The following MAST2 variants were observed in gnomAD, a reference collection of about 807,000 sequenced individuals.
MAST2 encodes microtubule-associated serine/threonine-protein kinase 2.
In MAST2, 70 loss-of-function variants were observed where a neutral mutation model predicts 147.4. The observed-to-expected ratio is 0.47, with a 90% confidence interval of 0.39 to 0.58. The LOEUF (loss-of-function observed/expected upper bound fraction) is 0.58. Ranked by LOEUF, MAST2 falls within the 20% of genes least tolerant of loss-of-function variation. The probability of loss-of-function intolerance (pLI) is 0.00; values close to 1 mark genes in which losing one functional copy is unlikely to be tolerated. For missense variants in MAST2, 2,080 were observed against 2,302.3 expected (o/e 0.90, Z 1.98); for synonymous variants, 869 against 896.8 (o/e 0.97, Z 0.55).
At chr1:45,837,156 A>G (rs572063805) in intron 3 of MAST2, among the ~76,000 whole-genome samples, 200 of 151,588 alleles carry the variant, frequency 1.3e-3, no homozygotes, top group Non-Finnish European at 1.5e-3. Context: ...TATAGAATAT[A>G]TAATGCTCAC....
In MAST2 at chr1:46,030,148, C is replaced by T; in HGVS notation, c.2463C>T (p.His821=). 6.2e-7 allele frequency: 1 copy of T among 1,614,250 alleles called. No homozygotes were observed. Among genetic ancestry groups the T allele is most frequent in the East Asian group, 2.2e-5 (1 of 44,886 alleles). The change falls in exon 21 of 29, where the codon CAC becomes CAT. Residue 821 remains histidine (H), a synonymous_variant. Transcript: ENST00000361297. The part of the protein sequence containing the change: ...SYFDTRSERY[H]HMDSEDEEEV... Reference sequence around the variant, plus strand: ...GCCCAGCCCGCTCAGAGCGATACCACCACATGGACTCGGAGGATGAGGAAG... The same window carrying T: ...GCCCAGCCCGCTCAGAGCGATACCATCACATGGACTCGGAGGATGAGGAAG...
chr1:45,860,677 C>CA (rs1281100304), intron 3 of MAST2, among the ~76,000 whole-genome samples: 2 of 151,828 alleles, frequency 1.3e-5, no homozygotes, highest in African/African-American at 4.8e-5. Flanking sequence ...ACTAAAAATA[C>CA]AAAAATTAGC....
intron 5 of MAST2, among the ~76,000 whole-genome samples, chr1:45,977,349 G>A (rs956919348): frequency 1.3e-5 from 2 of 151,770 alleles, no homozygotes; most frequent in Non-Finnish European, 1.5e-5. Flanking sequence ...TTAGCCAGGC[G>A]TGCTGGCGGG....
At chr1:45,847,771 C>T (rs1260686796) in intron 3 of MAST2, among the ~76,000 whole-genome samples, 1 of 151,986 alleles carries the variant, frequency 6.6e-6, no homozygotes, top group African/African-American at 2.4e-5. Context: ...CCAGTCTGGT[C>T]TCGAACTCCT....
intron 5 of MAST2, among the ~76,000 whole-genome samples, chr1:45,981,317 C>T (rs1446278911): frequency 6.6e-6 from 1 of 152,126 alleles, no homozygotes; most frequent in Non-Finnish European, 1.5e-5. Context: ...GGTGATCCAC[C>T]TGCCTTGGCC....
chr1:45,836,899 G>T (rs963863399), intron 3 of MAST2, among the ~76,000 whole-genome samples: 1 of 152,162 alleles, frequency 6.6e-6, no homozygotes, highest in Non-Finnish European at 1.5e-5. Context: ...ATGGGTGGAG[G>T]GGGGATGGGA....
At chr1:45,894,642 G>T (rs963557990) in intron 4 of MAST2, among the ~76,000 whole-genome samples, 1 of 152,116 alleles carries the variant, frequency 6.6e-6, no homozygotes, top group Non-Finnish European at 1.5e-5. Context: ...TAAATTATTT[G>T]CTAAAATTTT....
intron 4 of MAST2, among the ~76,000 whole-genome samples, chr1:45,932,667 T>C (rs1040734864): frequency 5.9e-5 from 9 of 152,170 alleles, no homozygotes. Context: ...AGTGAGACTC[T>C]GTCTTTCAAC....
intron 5 of MAST2, among the ~76,000 whole-genome samples, chr1:45,982,825 T>C (rs1437589505): frequency 6.6e-6 from 1 of 152,212 alleles, no homozygotes; most frequent in Non-Finnish European, 1.5e-5. Flanking sequence ...TGCGGCAGTC[T>C]TGTTGAGGAC....
At chr1:45,884,123 A>G (rs1165845370) in intron 4 of MAST2, among the ~76,000 whole-genome samples, 1 of 152,014 alleles carries the variant, frequency 6.6e-6, no homozygotes, top group Admixed American at 6.6e-5. Flanking sequence ...TTTTAGTGAT[A>G]TCTAAAGTTA....
At chr1:45,805,098 A>T (rs1046294649) in intron 1 of MAST2, among the ~76,000 whole-genome samples, 3 of 138,404 alleles carry the variant, frequency 2.2e-5, no homozygotes, top group Non-Finnish European at 4.6e-5. Context: ...CGCCCAGGGG[A>T]GAGTGCAGTG....
At chr1:45,880,136 AT>A (rs1482461803) in intron 3 of MAST2, among the ~76,000 whole-genome samples, 1 of 152,182 alleles carries the variant, frequency 6.6e-6, no homozygotes, top group Non-Finnish European at 1.5e-5. Flanking sequence ...GAGAAGTGAA[AT>A]ATAGCTTGTC....
At chr1:45,909,277 TAAA>T (rs1651281117) in intron 4 of MAST2, among the ~76,000 whole-genome samples, 1 of 152,170 alleles carries the variant, frequency 6.6e-6, no homozygotes, top group South Asian at 2.1e-4. Flanking sequence ...ATCAGTTAAA[TAAA>T]TAATTTCATT....
chr1:46,036,056 A>G lies in MAST2; in HGVS notation c.5387A>G (p.Lys1796Arg). 1 of 1,604,166 alleles carries G rather than the reference A, an allele frequency of 6.2e-7. No homozygotes were observed. Among genetic ancestry groups the G allele is most frequent in the Non-Finnish European group, 8.5e-7 (1 of 1,174,978 alleles). The change falls in exon 29 of 29, where the codon AAG becomes AGG. Residue 1796 changes from lysine (K) to arginine (R), a missense_variant. By Grantham distance (26) the Lys-to-Arg change is conservative. This residue lies in a region of MAST2 where 1,278 missense variants were observed against 1,304.2 expected (regional missense o/e 0.98). Transcript: ENST00000361297. ...DLALVPDELLKQT is the reference protein window; with the variant it reads ...DLALVPDELLRQT ...GCATTGGTTCCAGATGAGCTTTTAA[A>G]GCAAACATAGCAGTTGTTTGCCATT... is the stretch of plus-strand genomic sequence containing the variant.
intron 4 of MAST2, among the ~76,000 whole-genome samples, chr1:45,889,805 T>C (rs1647410919): frequency 6.6e-6 from 1 of 151,826 alleles, no homozygotes; most frequent in Non-Finnish European, 1.5e-5. Context: ...GAGCCAGGGT[T>C]TCACCACATT....
chr1:45,984,246 C>G (rs4460583), intron 5 of MAST2, among the ~76,000 whole-genome samples: 51,501 of 151,830 alleles, frequency 0.34, 9,108 homozygotes, highest in African/African-American at 0.43. Context: ...GCCAACAATG[C>G]ACTTCTTCCA....
intron 3 of MAST2, among the ~76,000 whole-genome samples, chr1:45,880,787 C>G (rs1570512846): frequency 6.6e-6 from 1 of 151,728 alleles, no homozygotes; most frequent in African/African-American, 2.4e-5. Flanking sequence ...TTGAGACCAG[C>G]CTGGCCAACA....
At chr1:45,832,337 G>C (rs1644984038) in intron 3 of MAST2, among the ~76,000 whole-genome samples, 2 of 148,734 alleles carry the variant, frequency 1.3e-5, no homozygotes, top group Admixed American at 1.4e-4. Flanking sequence ...TTCTCCCTCT[G>C]TTGTCCAGTC....
At chr1:45,826,035 C>T (rs1557808538) in intron 2 of MAST2, among the ~76,000 whole-genome samples, 1 of 152,030 alleles carries the variant, frequency 6.6e-6, no homozygotes, top group Non-Finnish European at 1.5e-5. Flanking sequence ...TCATTACACT[C>T]CAGCTGGGGC....
Sources: allele counts gnomAD v4.1 joint callset (sites outside exome capture counted in the v4.1 genomes callset), GRCh38; gene constraint gnomAD v4.1.1; regional missense constraint gnomAD v4.1.1; transcripts MANE v1.5; gene names NCBI Gene and HGNC (gene_info 2026-07-23, HGNC 2026-07-21).